Variants in ZFHX3 observed in about 807,000 individuals in gnomAD.
ZFHX3 encodes zinc finger homeobox 3.
A neutral mutation model predicts 279.1 loss-of-function variants in ZFHX3; 42 were observed. That is an observed-to-expected ratio of 0.15 (90% CI 0.12 to 0.19). ZFHX3 has a LOEUF of 0.19. Ranked by LOEUF, ZFHX3 falls within the 10% of genes least tolerant of loss-of-function variation. The pLI, the probability that ZFHX3 is intolerant of heterozygous loss-of-function variation, is 1.00. For synonymous variants in ZFHX3, 2,293 were observed against 1,957.8 expected (o/e 1.17, Z -4.52); for missense variants, 4,981 against 4,754.0 (o/e 1.05, Z -1.40).
intron 6 of ZFHX3, among the ~76,000 whole-genome samples, chr16:73,132,583 T>A (rs1279597673): frequency 6.6e-6 from 1 of 152,180 alleles, no homozygotes; most frequent in African/African-American, 2.4e-5. Flanking sequence ...TCCTGCTTCA[T>A]GGTCTGGTCT....
chr16:72,902,871 G>A (rs895203342), intron 3 of ZFHX3, among the ~76,000 whole-genome samples: 6 of 152,136 alleles, frequency 3.9e-5, no homozygotes, highest in Non-Finnish European at 7.3e-5. Flanking sequence ...TGACAGTCGC[G>A]CAGGCCAGCC....
intron 3 of ZFHX3, among the ~76,000 whole-genome samples, chr16:73,347,627 G>A (rs1254781325): frequency 6.6e-6 from 1 of 151,136 alleles, no homozygotes; most frequent in Non-Finnish European, 1.5e-5. Context: ...AAGCATGACT[G>A]CTATGGTAAC....
At chr16:72,971,878 A>ATTTTTTT (rs34508228) in intron 1 of ZFHX3, among the ~76,000 whole-genome samples, 1 of 95,464 alleles carries the variant, frequency 1.0e-5, no homozygotes, top group East Asian at 2.6e-4. Flanking sequence ...CTGCCTATTA[A>ATTTTTTT]TTTTTTTTTT....
At chr16:73,760,056 A>T (rs2053848284) in intron 1 of ZFHX3, among the ~76,000 whole-genome samples, 2 of 152,010 alleles carry the variant, frequency 1.3e-5, no homozygotes, top group South Asian at 4.1e-4. Flanking sequence ...GGCTAGATGA[A>T]TAAAGAAGAA....
intron 2 of ZFHX3, among the ~76,000 whole-genome samples, chr16:73,632,210 G>A (rs2142147939): frequency 6.6e-6 from 1 of 152,162 alleles, no homozygotes; most frequent in African/African-American, 2.4e-5. Context: ...GGCTTGTTCT[G>A]GGCATGGGGT....
At chr16:72,881,434 A>AG (rs2038467858) in intron 4 of ZFHX3, among the ~76,000 whole-genome samples, 1 of 152,134 alleles carries the variant, frequency 6.6e-6, no homozygotes, top group African/African-American at 2.4e-5. Context: ...CACAGTTTGA[A>AG]GGGGGTTCCT....
intron 2 of ZFHX3, among the ~76,000 whole-genome samples, chr16:72,956,062 G>T (rs193154832): frequency 1.8e-4 from 28 of 152,276 alleles, no homozygotes; most frequent in African/African-American, 5.8e-4. Context: ...GGTAATAAAG[G>T]ATCAACAGGC....
At chr16:72,948,731 G>A (rs1415924141) in intron 3 of ZFHX3, among the ~76,000 whole-genome samples, 1 of 152,154 alleles carries the variant, frequency 6.6e-6, no homozygotes, top group African/African-American at 2.4e-5. Flanking sequence ...CTTCATCAAA[G>A]TTGCATGCAA....
chr16:72,996,700 C>T (rs1194663421), intron 1 of ZFHX3, among the ~76,000 whole-genome samples: 11 of 152,244 alleles, frequency 7.2e-5, no homozygotes, highest in South Asian at 2.1e-4. Context: ...AATCCAACCA[C>T]GGAGTTCTGG....
intron 3 of ZFHX3, among the ~76,000 whole-genome samples, chr16:73,321,589 A>G (rs2015575506): frequency 6.6e-6 from 1 of 152,236 alleles, no homozygotes; most frequent in Non-Finnish European, 1.5e-5. Flanking sequence ...CAACAGGTCA[A>G]CGGCTATTCA....
intron 1 of ZFHX3, among the ~76,000 whole-genome samples, chr16:72,989,810 A>C (rs1318280614): frequency 6.6e-6 from 1 of 152,228 alleles, no homozygotes; most frequent in Non-Finnish European, 1.5e-5. Context: ...GTATCAAATT[A>C]TATGTTAATT....
chr16:73,451,381 T>A (rs1265483185), intron 3 of ZFHX3, among the ~76,000 whole-genome samples: 1 of 152,240 alleles, frequency 6.6e-6, no homozygotes, highest in Non-Finnish European at 1.5e-5. Context: ...AGGTGACTAT[T>A]AGTGGCACCA....
rs1407095408 is a variant in ZFHX3 at position 72,793,550 on chromosome 16, A to G, written c.9132T>C (p.Phe3044=). ...TAACTTTGGAGATATGCTGTTGGGA[A>G]AAGATATGGTCACGTACAGACAGCC... ...SARLSVRDHI[F]SQQHISKVKD... The change falls in exon 9 of 10, where the codon TTT becomes TTC. Residue 3044 remains phenylalanine (F), a synonymous_variant. Transcript: ENST00000268489. This position sits in a 1 kb window ranked among gnomAD's most constrained non-coding sequence, Gnocchi z 4.3. 6.2e-7 allele frequency: 1 copy of G among 1,614,092 alleles called. No individual in the cohort carries two copies. The highest frequency in any genetic ancestry group is 1.3e-5 in the African/African-American group (1 of 74,944).
chr16:73,395,622 C>T (rs546853670), intron 3 of ZFHX3, among the ~76,000 whole-genome samples: 1 of 152,124 alleles, frequency 6.6e-6, no homozygotes, highest in South Asian at 2.1e-4. Flanking sequence ...GCTGTTGTCT[C>T]CTAACTATTA....
chr16:72,977,186 T>C (rs945879720), intron 1 of ZFHX3, among the ~76,000 whole-genome samples: 18 of 152,206 alleles, frequency 1.2e-4, no homozygotes, highest in African/African-American at 4.1e-4. Context: ...ACCTGCCCTT[T>C]GCATTCCCAT....
At position 72,932,428 on chromosome 16, in the gene ZFHX3, C is replaced by T. The variant is rs558336022; in HGVS notation, c.3216+18041G>A. 4.6e-5 allele frequency among the ~76,000 whole-genome samples: 7 copies of T among 151,924 alleles called. No individual in the cohort carries two copies. In the South Asian group the frequency reaches 1.3e-3, roughly 27 times the overall value. ...GAGTACTTCACTAGATCACTTTTTG[C>T]TCCATTACTTAGGAGAGGAGATGGA... is the stretch of plus-strand genomic sequence containing the variant. On this transcript the variant is annotated intron_variant, in intron 3 of 9. Transcript: ENST00000268489.
Position 72,958,369 on chromosome 16 carries a change from C to T in ZFHX3, c.1777G>A (p.Glu593Lys), listed in dbSNP as rs746207124. 32 of 1,614,026 alleles carry T rather than the reference C, an allele frequency of 2.0e-5. No individual in the cohort carries two copies. The highest frequency in any genetic ancestry group is 6.7e-5 in the East Asian group (3 of 44,880). ...GTGGCATTGTCTTTATTGGCACTTT[C>T]GTCAGCGAAGTCCAGCCTCCTGCCG... ...EGGRRLDFAD[E>K]SANKDNATAP... The change falls in exon 2 of 10, where the codon GAA (glutamate) becomes AAA (lysine). Residue 593 changes from glutamate (E) to lysine (K), a missense_variant. Coordinates refer to ENST00000268489, the MANE Select transcript of ZFHX3 (RefSeq NM_006885.4).
chr16:73,178,586 T>C lies in ZFHX3; in HGVS notation c.-1103-34755A>G, dbSNP rs779365854. ...TCCTTCACTCTCTAGCATTCTTCTC[T>C]TGATAAATTCCACTTTATTCATGTT... On this transcript the variant is annotated intron_variant, in intron 5 of 17. Transcript: ENST00000641206. Among the ~76,000 whole-genome samples the C allele has an allele frequency of 1.3e-3, 196 of 152,346 alleles. 1 individual carries two copies. Among genetic ancestry groups the C allele is most frequent in the Admixed American group, 2.5e-3 (39 of 15,302 alleles).
At chr16:73,724,161 G>T (rs1404564672) in intron 1 of ZFHX3, among the ~76,000 whole-genome samples, 1 of 152,178 alleles carries the variant, frequency 6.6e-6, no homozygotes, top group African/African-American at 2.4e-5. Flanking sequence ...TTATGAAACA[G>T]GTTGGTGATA....
Sources: gnomAD v4.1 joint callset for allele counts (sites outside exome capture counted in the v4.1 genomes callset) on GRCh38, gnomAD v4.1.1 for gene constraint, Gnocchi (gnomAD v3.1) non-coding constraint, MANE v1.5 for transcripts, NCBI Gene and HGNC (gene_info 2026-07-23, HGNC 2026-07-21) for gene names.